The following SCFD1 variants were observed in gnomAD, a reference collection of about 807,000 sequenced individuals.
SCFD1 encodes the protein sec1 family domain-containing protein 1.
In SCFD1, 37 loss-of-function variants were observed where a neutral mutation model predicts 103.2. That is an observed-to-expected ratio of 0.36 (90% CI 0.28 to 0.47). The LOEUF is 0.47. SCFD1 is among the 20% of genes least tolerant of loss of function. SCFD1 has a pLI of 1.00. For missense variants in SCFD1, 639 were observed against 761.2 expected, an observed-to-expected ratio of 0.84 and a Z score of 1.89; for synonymous variants, 264 against 245.0, an observed-to-expected ratio of 1.08 and a Z score of -0.73.
chr14:30,700,136 C>A, intron 15 of SCFD1, 52 bp from the exon 16 acceptor site: 1 of 1,290,514 alleles, frequency 7.7e-7, no homozygotes, highest in Non-Finnish European at 1.1e-6. Context: ...GACTATAATA[C>A]ATAATAACCA....
At chr14:30,714,062 T>C (rs1245400563) in intron 19 of SCFD1, among the ~76,000 whole-genome samples, 1 of 152,024 alleles carries the variant, frequency 6.6e-6, no homozygotes, top group Non-Finnish European at 1.5e-5. Flanking sequence ...AAAGGTAAAA[T>C]TTTGGCCGGG....
chr14:30,658,271 T>C (rs963695381), intron 10 of SCFD1: 3 of 178,162 alleles, frequency 1.7e-5, no homozygotes, highest in Non-Finnish European at 3.6e-5. Context: ...CTAATAGACA[T>C]AGGGACTTTA....
rs1369785779 is a variant in SCFD1, at chr14:30,734,834, T to C, written c.1881T>C (p.Phe627=). ...TTTTATATGGCTGCAGTGAGCTTTT[T>C]AATGCTACACAGTTCATAAAACAGG... ...KHILYGCSEL[F]NATQFIKQLS... is the part of the protein sequence containing the mutation. The change falls in exon 24 of 25, where the codon TTT becomes TTC. Residue 627 remains phenylalanine (F), a synonymous_variant. Transcript: ENST00000458591. 1 of 1,613,390 alleles carries C rather than the reference T, an allele frequency of 6.2e-7. No homozygotes were observed. Among genetic ancestry groups the C allele is most frequent in the Non-Finnish European group, 8.5e-7 (1 of 1,179,406 alleles).
At chr14:30,632,107 A>G (rs1292722356) in intron 3 of SCFD1, among the ~76,000 whole-genome samples, 1 of 151,300 alleles carries the variant, frequency 6.6e-6, no homozygotes, top group African/African-American at 2.4e-5. Flanking sequence ...ATGGATAGAT[A>G]CTAATACTTC....
intron 7 of SCFD1, among the ~76,000 whole-genome samples, chr14:30,647,306 G>A (rs1341612013): frequency 6.6e-6 from 1 of 151,970 alleles, no homozygotes; most frequent in Non-Finnish European, 1.5e-5. Context: ...TTAGACAAAT[G>A]TTTAGACATG....
At chr14:30,625,690 TATATAG>T (rs1378640507) in intron 1 of SCFD1, among the ~76,000 whole-genome samples, 1 of 151,672 alleles carries the variant, frequency 6.6e-6, no homozygotes, top group African/African-American at 2.4e-5. Flanking sequence ...TAGGTATACC[TATATAG>T]GTATAGGTAT....
At chr14:30,695,885 C>CA (rs896225695) in intron 15 of SCFD1, among the ~76,000 whole-genome samples, 11 of 150,828 alleles carry the variant, frequency 7.3e-5, no homozygotes, top group Non-Finnish European at 1.0e-4. Context: ...AACAAACAAA[C>CA]AAAAAAAACC....
At chr14:30,715,225 TAA>T (rs1293512064) in intron 19 of SCFD1, 1 of 152,238 alleles carries the variant, frequency 6.6e-6, no homozygotes, top group Non-Finnish European at 1.5e-5. Context: ...TCACGAACTT[TAA>T]AAGTTACTTT....
chr14:30,677,817 A>T (rs1276520648), intron 14 of SCFD1, among the ~76,000 whole-genome samples: 2 of 115,882 alleles, frequency 1.7e-5, no homozygotes, highest in African/African-American at 3.3e-5. Context: ...ACATACATTC[A>T]CCTAAGCACC....
intron 20 of SCFD1, among the ~76,000 whole-genome samples, chr14:30,717,196 C>T (rs1035556141): frequency 5.3e-5 from 8 of 152,182 alleles, no homozygotes; most frequent in Non-Finnish European, 1.0e-4. Context: ...TTGATATTTT[C>T]CAGGCATGTT....
intron 21 of SCFD1, among the ~76,000 whole-genome samples, 194 bp downstream of exon 21, chr14:30,719,571 C>T (rs1322817233): frequency 6.6e-6 from 1 of 152,106 alleles, no homozygotes; most frequent in Non-Finnish European, 1.5e-5. Flanking sequence ...TTTCCTTCCA[C>T]ATATACACAC....
chr14:30,667,761 AACAG>A (rs1307544129), intron 10 of SCFD1, among the ~76,000 whole-genome samples: 2 of 152,026 alleles, frequency 1.3e-5, no homozygotes, highest in African/African-American at 4.8e-5. Context: ...ATACGCAAAT[AACAG>A]ACAAAGAGCC....
intron 10 of SCFD1, 140 bp from the exon 11 acceptor site, chr14:30,670,116 G>T (rs796466656): frequency 6.1e-6 from 4 of 657,542 alleles, no homozygotes; most frequent in South Asian, 4.2e-5. Context: ...AATTACATTT[G>T]TATGTAACAA....
At chr14:30,713,631 A>G (rs1200819880) in intron 19 of SCFD1, among the ~76,000 whole-genome samples, 1 of 152,326 alleles carries the variant, frequency 6.6e-6, no homozygotes, top group East Asian at 1.9e-4. Context: ...ACTTCCAATT[A>G]TTTTCACAAA....
intron 15 of SCFD1, 71 bp from the exon 16 acceptor site, chr14:30,700,117 A>G (rs977067879): frequency 9.5e-7 from 1 of 1,054,794 alleles, no homozygotes; most frequent in African/African-American, 1.6e-5. Context: ...AATGTAACAT[A>G]CTTGTGTTGA....
At chr14:30,664,833 G>A (rs375753684) in intron 10 of SCFD1, among the ~76,000 whole-genome samples, 2 of 152,120 alleles carry the variant, frequency 1.3e-5, no homozygotes, top group South Asian at 4.1e-4. Flanking sequence ...AACAAGAAGA[G>A]AAGTTTAGAG....
intron 18 of SCFD1, among the ~76,000 whole-genome samples, chr14:30,706,934 C>T (rs1486218808): frequency 6.6e-6 from 1 of 152,174 alleles, no homozygotes; most frequent in Non-Finnish European, 1.5e-5. Flanking sequence ...CACACCCCCA[C>T]AGAGTTGCCT....
intron 3 of SCFD1, 80 bp downstream of exon 3, chr14:30,630,645 T>C: frequency 3.5e-6 from 3 of 854,034 alleles, no homozygotes; most frequent in Non-Finnish European, 5.8e-6. Context: ...TTACAGTATT[T>C]ATGTAGTATT....
intron 19 of SCFD1, among the ~76,000 whole-genome samples, chr14:30,711,889 G>T (rs1238455308): frequency 1.3e-5 from 2 of 151,968 alleles, no homozygotes; most frequent in Non-Finnish European, 2.9e-5. Flanking sequence ...TGATAGTACA[G>T]GTGAAATAAG....
Sources: allele counts gnomAD v4.1 joint callset (sites outside exome capture counted in the v4.1 genomes callset), GRCh38; gene constraint gnomAD v4.1.1; transcripts MANE v1.5; gene names NCBI Gene and HGNC (gene_info 2026-07-23, HGNC 2026-07-21).